USP34: variants seen among roughly 807,000 people sequenced by gnomAD.
The protein encoded by USP34 is ubiquitin specific peptidase 34, also known as ubiquitin carboxyl-terminal hydrolase 34.
In USP34, 70 loss-of-function variants were observed where a neutral mutation model predicts 460.3. That is an observed-to-expected ratio of 0.15 (90% CI 0.13 to 0.19). The LOEUF (loss-of-function observed/expected upper bound fraction) is 0.19, where lower values mean the gene tolerates loss of function less well. Among genes scored for constraint, USP34 ranks in the 10% least tolerant of loss-of-function variants. USP34 has a pLI of 1.00. For synonymous variants in USP34, 1,647 were observed against 1,405.3 expected (o/e 1.17, Z -3.85); for missense variants, 3,985 against 4,236.2 (o/e 0.94, Z 1.65).
At chr2:61,430,455 C>T (rs1694637069) in intron 1 of USP34, among the ~76,000 whole-genome samples, 3 of 152,022 alleles carry the variant, frequency 2.0e-5, no homozygotes, top group African/African-American at 7.2e-5. Context: ...TGACAAAGCA[C>T]ATCAGCAGTT....
chr2:61,427,389 CA>C (rs1373662047), intron 1 of USP34, among the ~76,000 whole-genome samples: 1 of 152,190 alleles, frequency 6.6e-6, no homozygotes, highest in African/African-American at 2.4e-5. Flanking sequence ...TAAGGCCAGA[CA>C]GTGAAGACTA....
At chr2:61,422,911 G>C (rs916538318) in intron 1 of USP34, among the ~76,000 whole-genome samples, 1 of 152,036 alleles carries the variant, frequency 6.6e-6, no homozygotes, top group Non-Finnish European at 1.5e-5. Context: ...GAGGTGGAAG[G>C]ATCACTCGAA....
At chr2:61,294,212 G>A (rs1394680442) in intron 32 of USP34, among the ~76,000 whole-genome samples, 1 of 151,824 alleles carries the variant, frequency 6.6e-6, no homozygotes, top group Non-Finnish European at 1.5e-5. Context: ...CGGGTGTGGT[G>A]GCGGGCGCCT....
At chr2:61,265,704 TAC>T (rs1689026497) in intron 42 of USP34, 147 bp from the exon 43 acceptor site, 2 of 750,176 alleles carry the variant, frequency 2.7e-6, no homozygotes, top group Admixed American at 4.0e-5. Flanking sequence ...TAAAAAAAAA[TAC>T]AGATGAAAAC....
At chr2:61,259,109 T>C (rs1237189568) in intron 44 of USP34, among the ~76,000 whole-genome samples, 1 of 151,472 alleles carries the variant, frequency 6.6e-6, no homozygotes, top group Non-Finnish European at 1.5e-5. Flanking sequence ...AAATACAAAA[T>C]TTAGCCAGGC....
chr2:61,283,501 A>G, intron 35 of USP34, 52 bp from the exon 36 acceptor site: 1 of 1,544,236 alleles, frequency 6.5e-7, no homozygotes, highest in Non-Finnish European at 8.8e-7. Context: ...ATGAATTAAA[A>G]ATAATTCAAT....
At position 61,261,762 on chromosome 2, in the gene USP34, T is replaced by A. The variant is rs1467462708; in HGVS notation, c.5779-1986A>T. Among the ~76,000 whole-genome samples the A allele has an allele frequency of 2.6e-5, 4 of 152,142 alleles. No homozygotes were observed. The East Asian group carries it at 5.8e-4, about 22-fold the overall frequency. Reference sequence around the variant, plus strand: ...TTAACTGAAGTGTTCATCTTAAGAATAAAGTGCCCACTTGACTAGAGTACT... The same window carrying A: ...TTAACTGAAGTGTTCATCTTAAGAAAAAAGTGCCCACTTGACTAGAGTACT... On this transcript the variant is annotated intron_variant, in intron 43 of 79. Coordinates refer to ENST00000398571, the MANE Select transcript of USP34 (RefSeq NM_014709.4).
intron 75 of USP34, among the ~76,000 whole-genome samples, chr2:61,202,498 A>T (rs963816892): frequency 3.3e-5 from 5 of 152,102 alleles, no homozygotes; most frequent in Admixed American, 2.6e-4. Flanking sequence ...TAGGAATGTT[A>T]CCCAAAGGGA....
chr2:61,266,372 T>C (rs1379709374), intron 41 of USP34, among the ~76,000 whole-genome samples: 2 of 152,190 alleles, frequency 1.3e-5, no homozygotes, highest in African/African-American at 4.8e-5. Context: ...TTCTCTCCTT[T>C]TTGATACCTA....
intron 39 of USP34, among the ~76,000 whole-genome samples, chr2:61,279,874 T>C (rs770786480): frequency 7.2e-5 from 11 of 152,246 alleles, no homozygotes; most frequent in Non-Finnish European, 1.5e-4. Context: ...AAGTAACTTC[T>C]ATCTGAACTG....
Position 61,206,069 on chromosome 2 carries a change from C to A in USP34, c.9102G>T (p.Leu3034=), listed in dbSNP as rs748377122. Residue 3034 remains leucine, a synonymous_variant, in exon 72 of 80, where the codon CTG becomes CTT. Transcript: ENST00000398571. ...GACTATAGGAATTAAGAAGAGTTAA[C>A]AGTTTATGGGCAAATTCAATTCGCT... is the stretch of plus-strand genomic sequence containing the variant. ...WQERIEFAHK[L]LTLLNSYSPP... is the part of the protein sequence containing the mutation. 6.2e-6 allele frequency: 10 copies of A among 1,613,696 alleles called. No homozygotes were observed. The East Asian group carries it at 6.7e-5, about 11-fold the overall frequency.
intron 5 of USP34, among the ~76,000 whole-genome samples, chr2:61,393,446 A>G (rs75291458): frequency 1.3e-5 from 2 of 149,860 alleles, no homozygotes; most frequent in Non-Finnish European, 3.0e-5. Context: ...AAAAAAAAAA[A>G]GGCAACATTA....
At chr2:61,293,331 T>C in intron 33 of USP34, 133 bp downstream of exon 33, 1 of 528,578 alleles carries the variant, frequency 1.9e-6, no homozygotes, top group Non-Finnish European at 3.2e-6. Flanking sequence ...ACTGTATTTT[T>C]AAATTCATTT....
At chr2:61,462,174 G>A (rs1695619949) in intron 1 of USP34, among the ~76,000 whole-genome samples, 2 of 151,698 alleles carry the variant, frequency 1.3e-5, no homozygotes, top group Admixed American at 1.3e-4. Context: ...GGGAGGCGGA[G>A]GTTGCAGTGA....
chr2:61,440,815 G>T (rs992799374), intron 1 of USP34, among the ~76,000 whole-genome samples: 1 of 151,132 alleles, frequency 6.6e-6, no homozygotes, highest in African/African-American at 2.4e-5. Context: ...ACCACACCCG[G>T]CCTACTTTTT....
At chr2:61,240,542 T>G (rs1015295963) in intron 53 of USP34, among the ~76,000 whole-genome samples, 36 of 151,988 alleles carry the variant, frequency 2.4e-4, no homozygotes, top group African/African-American at 7.7e-4. Context: ...CCTCCCAAAG[T>G]GCTGGGATTA....
chr2:61,355,599 T>C (rs1692078338), intron 10 of USP34, among the ~76,000 whole-genome samples: 1 of 151,058 alleles, frequency 6.6e-6, no homozygotes, highest in Non-Finnish European at 1.5e-5. Flanking sequence ...AATCGAACTG[T>C]TTCACTACAA....
chr2:61,409,671 G>A (rs754554455), intron 2 of USP34, among the ~76,000 whole-genome samples: 6 of 151,894 alleles, frequency 4.0e-5, no homozygotes, highest in South Asian at 4.2e-4. Flanking sequence ...CCAAGACTGC[G>A]CCACTGCACT....
At chr2:61,211,307 A>G (rs1474593534) in intron 69 of USP34, among the ~76,000 whole-genome samples, 2 of 152,230 alleles carry the variant, frequency 1.3e-5, no homozygotes, top group Non-Finnish European at 2.9e-5. Flanking sequence ...TAGTTCCTGT[A>G]ACCATTCAAT....
Sources: gnomAD v4.1 joint callset for allele counts (sites outside exome capture counted in the v4.1 genomes callset) on GRCh38, gnomAD v4.1.1 for gene constraint, MANE v1.5 for transcripts, NCBI Gene and HGNC (gene_info 2026-07-23, HGNC 2026-07-21) for gene names.